USP54: variants seen among roughly 807,000 people sequenced by gnomAD.
The protein encoded by USP54 is ubiquitin specific peptidase 54, also known as ubiquitin carboxyl-terminal hydrolase 54.
In USP54, 87 loss-of-function variants were observed where a neutral mutation model predicts 170.5. That is an observed-to-expected ratio of 0.51 (90% CI 0.43 to 0.61). The LOEUF (loss-of-function observed/expected upper bound fraction) is 0.61, where lower values mean the gene tolerates loss of function less well. USP54 is among the 20% of genes least tolerant of loss of function. USP54 has a pLI of 0.00. For synonymous variants in USP54, 655 were observed against 742.8 expected, an observed-to-expected ratio of 0.88 and a Z score of 1.92; for missense variants, 1,786 against 2,047.8, an observed-to-expected ratio of 0.87 and a Z score of 2.47.
Position 73,587,060 on chromosome 10 carries a change from G to A in USP54, c.-582+4218C>T, listed in dbSNP as rs367928562. Among the ~76,000 whole-genome samples the A allele has an allele frequency of 2.6e-5, 4 of 152,228 alleles. No individual in the cohort carries two copies. The East Asian group carries it at 7.7e-4, about 29-fold the overall frequency. On this transcript the variant is annotated intron_variant, in intron 1 of 23. Coordinates refer to ENST00000687698, the MANE Select transcript of USP54 (RefSeq NM_001391956.1). The stretch of plus-strand genomic sequence containing the variant: ...CTTTGTTATAATTGACAAATTATAA[G>A]AACTAAGAAATGACAGCTGCAGGCT...
chr10:73,539,888 G>A (rs1240934110), intron 9 of USP54, among the ~76,000 whole-genome samples: 1 of 152,114 alleles, frequency 6.6e-6, no homozygotes, highest in Admixed American at 6.5e-5. Flanking sequence ...CACTTTGGGA[G>A]GGTGAGGTGA....
intron 3 of USP54, 69 bp from the exon 4 acceptor site, chr10:73,571,582 C>A: frequency 7.9e-7 from 1 of 1,264,702 alleles, no homozygotes; most frequent in South Asian, 1.3e-5. Flanking sequence ...GTAAAGAGTT[C>A]AAACAAACAT....
chr10:73,603,061 C>T (rs2079327625), intron 1 of USP54, among the ~76,000 whole-genome samples: 1 of 151,938 alleles, frequency 6.6e-6, no homozygotes, highest in Non-Finnish European at 1.5e-5. Flanking sequence ...ATTAGCCTTC[C>T]CCAGGACCTT....
intron 1 of USP54, among the ~76,000 whole-genome samples, chr10:73,588,245 G>A (rs1050655424): frequency 1.3e-5 from 2 of 151,754 alleles, no homozygotes; most frequent in Non-Finnish European, 2.9e-5. Context: ...TTTTTGAGAC[G>A]GAGTCTCGCA....
intron 4 of USP54, among the ~76,000 whole-genome samples, chr10:73,567,241 C>T (rs996388364): frequency 2.6e-5 from 4 of 152,126 alleles, no homozygotes; most frequent in African/African-American, 9.7e-5. Flanking sequence ...TTTGATTACT[C>T]GTTATACTGG....
intron 17 of USP54, 85 bp from the exon 18 acceptor site, chr10:73,521,112 T>A: frequency 2.6e-6 from 4 of 1,564,476 alleles, no homozygotes; most frequent in Non-Finnish European, 3.5e-6. Flanking sequence ...TACACAGAGA[T>A]CCTTGCTGCT....
At chr10:73,580,731 C>G (rs941444291) in intron 1 of USP54, among the ~76,000 whole-genome samples, 2 of 152,050 alleles carry the variant, frequency 1.3e-5, no homozygotes, top group African/African-American at 2.4e-5. Flanking sequence ...CACCATCACG[C>G]TCAGCTATTT....
At chr10:73,534,808 AAACAG>A (rs1440656452) in intron 11 of USP54, 38 bp from the exon 12 acceptor site, 1 of 1,593,104 alleles carries the variant, frequency 6.3e-7, no homozygotes, top group East Asian at 2.2e-5. Flanking sequence ...AAAAGTGAGG[AAACAG>A]AACAGTAGCA....
intron 4 of USP54, among the ~76,000 whole-genome samples, chr10:73,564,148 C>G (rs866759336): frequency 6.6e-6 from 1 of 152,080 alleles, no homozygotes; most frequent in African/African-American, 2.4e-5. Context: ...CCGACAGGTG[C>G]GCATCACCAT....
intron 5 of USP54, among the ~76,000 whole-genome samples, chr10:73,545,107 C>T (rs12248024): frequency 0.15 from 22,676 of 152,090 alleles, 2,727 homozygotes; most frequent in African/African-American, 0.31. Flanking sequence ...GCAATGTAGC[C>T]ATATAGCACA....
At chr10:73,546,985 T>C (rs2067980514) in intron 4 of USP54, among the ~76,000 whole-genome samples, 1 of 152,234 alleles carries the variant, frequency 6.6e-6, no homozygotes, top group South Asian at 2.1e-4. Context: ...CTGGGTCCTT[T>C]GTATTACTTG....
intron 10 of USP54, among the ~76,000 whole-genome samples, chr10:73,537,614 A>T (rs1372804279): frequency 5.3e-5 from 8 of 152,206 alleles, no homozygotes; most frequent in African/African-American, 1.9e-4. Flanking sequence ...GAGACAACAA[A>T]GAATAATTTA....
Position 73,530,125 on chromosome 10 carries a change from C to A in USP54, c.1828+18G>T. ...AACTTTATTCAAAAGCCCAATTCTT[C>A]CCTAATTATCTCCTCACCTGAATCC... On this transcript the variant is annotated intron_variant, in intron 14 of 23. Transcript: ENST00000687698. The A allele has an allele frequency of 6.3e-7, 1 of 1,576,288 alleles. No individual in the cohort carries two copies. Among genetic ancestry groups the A allele is most frequent in the South Asian group, 1.2e-5 (1 of 85,564 alleles).
chr10:73,571,134 T>TC (rs2075096638), intron 4 of USP54, among the ~76,000 whole-genome samples: 3 of 70,500 alleles, frequency 4.3e-5, no homozygotes, highest in South Asian at 1.1e-3. Context: ...TGAGACTTCA[T>TC]CCCAAAAAAA....
At chr10:73,614,908 C>T (rs1355298180) in intron 1 of USP54, among the ~76,000 whole-genome samples, 7 of 150,190 alleles carry the variant, frequency 4.7e-5, no homozygotes, top group Non-Finnish European at 7.4e-5. Flanking sequence ...AGCACATCAA[C>T]GGACACTACA....
intron 1 of USP54, among the ~76,000 whole-genome samples, chr10:73,618,652 A>G (rs2080840883): frequency 6.7e-6 from 1 of 148,488 alleles, no homozygotes; most frequent in South Asian, 2.1e-4. Flanking sequence ...CTGAGGAAGG[A>G]GAATCGCTTG....
intron 4 of USP54, among the ~76,000 whole-genome samples, chr10:73,554,483 A>G (rs932132545): frequency 6.6e-6 from 1 of 152,214 alleles, no homozygotes; most frequent in Non-Finnish European, 1.5e-5. Flanking sequence ...TGACTACTGG[A>G]AAAGAGACGT....
chr10:73,582,146 G>A (rs954096067), intron 1 of USP54, among the ~76,000 whole-genome samples: 2 of 152,154 alleles, frequency 1.3e-5, no homozygotes, highest in Admixed American at 1.3e-4. Flanking sequence ...AAAGGAACTG[G>A]CTTGTGCATA....
chr10:73,592,108 C>G (rs1016851191), upstream of USP54, among the ~76,000 whole-genome samples: 1 of 151,850 alleles, frequency 6.6e-6, no homozygotes, highest in South Asian at 2.1e-4. Flanking sequence ...GAGTCCCACC[C>G]CCAAACATGT....
Sources: allele counts gnomAD v4.1 joint callset (sites outside exome capture counted in the v4.1 genomes callset), GRCh38; gene constraint gnomAD v4.1.1; transcripts MANE v1.5; gene names NCBI Gene and HGNC (gene_info 2026-07-23, HGNC 2026-07-21).